The following APC2 variants were observed in gnomAD, a reference collection of about 807,000 sequenced individuals.
APC2 encodes the protein APC regulator of Wnt signaling pathway 2.
In APC2, 41 loss-of-function variants were observed where a neutral mutation model predicts 72.5. The ratio of observed to expected loss-of-function variants is 0.57; its 90% confidence interval spans 0.44 to 0.73. The LOEUF is 0.73. APC2 is among the 30% of genes least tolerant of loss of function. The probability of loss-of-function intolerance (pLI) is 0.00; values close to 1 mark genes in which losing one functional copy is unlikely to be tolerated. For missense variants in APC2, 3,729 were observed against 3,403.4 expected, an observed-to-expected ratio of 1.10 and a Z score of -2.38; for synonymous variants, 1,898 against 1,612.0, an observed-to-expected ratio of 1.18 and a Z score of -4.25.
chr19:1,453,642 A>C lies in APC2; in HGVS notation c.413+31A>C, dbSNP rs1410076955. The stretch of plus-strand genomic sequence containing the variant: ...TGGGCGTGGGAACCCAGCCTCGGGC[A>C]GCTGGAGCATGACTCGGTCCCCAGC... On this transcript the variant is annotated intron_variant, in intron 4 of 14. Coordinates refer to ENST00000590469, the MANE Select transcript of APC2 (RefSeq NM_005883.3). The C allele has an allele frequency of 1.9e-6, 3 of 1,570,032 alleles. No homozygotes were observed. In the African/African-American group the frequency reaches 4.1e-5, roughly 21 times the overall value.
At position 1,461,807 on chromosome 19, in the gene APC2, T is replaced by A. The variant is rs573639753; in HGVS notation, c.1639-156T>A. 1.0e-4 allele frequency: 65 copies of A among 632,184 alleles called. 1 individual carries two copies. Among genetic ancestry groups the A allele is most frequent in the Middle Eastern group, 8.7e-4 (2 of 2,294 alleles). 39.2% of individuals were successfully genotyped at this position (632,184 alleles called of 1,614,324 possible). On this transcript the variant is annotated intron_variant, in intron 13 of 14. Transcript: ENST00000590469. Reference sequence around the variant, plus strand: ...TCGGAGCCTGCAGTGAGTCGAGATCTCGCCACTGCACTCCAGCCTGGGGGA... The same window carrying A: ...TCGGAGCCTGCAGTGAGTCGAGATCACGCCACTGCACTCCAGCCTGGGGGA...
rs138304573 is a variant in APC2, at chr19:1,458,013, T to C, written c.1256T>C (p.Met419Thr). The C allele has an allele frequency of 1.9e-6, 3 of 1,567,816 alleles. No individual in the cohort carries two copies. The highest frequency in any genetic ancestry group is 1.2e-5 in the South Asian group (1 of 85,320). The change falls in exon 10 of 15, where the codon ATG becomes ACG. Residue 419 changes from methionine to threonine, a missense_variant. Coordinates refer to ENST00000590469, the MANE Select transcript of APC2 (RefSeq NM_005883.3). ...ATCTGCCAGGCCACCTGTGCTGTTA[T>C]GAAGCTGTCCTTTGATGAGGAGTAC... Reference protein sequence around the residue: ...PQICQATCAVMKLSFDEEYRR... With the variant: ...PQICQATCAVTKLSFDEEYRR...
In APC2 at chr19:1,457,726, G is replaced by A. The variant is rs2083857696; in HGVS notation, c.1208-239G>A. 3 of 582,812 alleles carry A rather than the reference G, an allele frequency of 5.1e-6. No homozygotes were observed. In the East Asian group the frequency reaches 8.7e-5, roughly 17 times the overall value. 36.1% of individuals were successfully genotyped at this position (582,812 alleles called of 1,614,324 possible). On this transcript the variant is annotated intron_variant, in intron 9 of 14. Transcript: ENST00000590469. The stretch of plus-strand genomic sequence containing the variant: ...AGTTTTATTTTTAAAAAGGGCAGAA[G>A]CACAGCTGAAAGGTGTGGTGCTCCA...
At chr19:1,462,871 T>C (rs2083949836) in intron 14 of APC2, among the ~76,000 whole-genome samples, 1 of 150,630 alleles carries the variant, frequency 6.6e-6, no homozygotes, top group African/African-American at 2.5e-5. Flanking sequence ...CTCAGGAGGC[T>C]GAGACAGGAG....
At chr19:1,449,910 G>A (rs1482047039), upstream of APC2, among the ~76,000 whole-genome samples, 1 of 152,204 alleles carries the variant, frequency 6.6e-6, no homozygotes, top group Admixed American at 6.5e-5. Context: ...CGGGACACAG[G>A]AATCTTGGTC....
At chr19:1,464,679 C>G (rs536775448) in intron 14 of APC2, among the ~76,000 whole-genome samples, 4 of 133,024 alleles carry the variant, frequency 3.0e-5, no homozygotes, top group Non-Finnish European at 6.1e-5. Flanking sequence ...TCTTGCCAGG[C>G]TGGAGTGCAG....
Position 1,470,559 on chromosome 19 carries a change from G to C in APC2, c.*346G>C, listed in dbSNP as rs945496273. 4.4e-6 allele frequency: 1 copy of C among 228,864 alleles called. No homozygotes were observed. The highest frequency in any genetic ancestry group is 9.8e-5 in the East Asian group (1 of 10,222). 14.2% of individuals were successfully genotyped at this position (228,864 alleles called of 1,614,324 possible). ...GGGCGAGGGAGGCGGTAGCCTCCGG[G>C]TCCGGGTCTGGGTCTGGGTCCGCTG... On this transcript the variant is annotated 3_prime_UTR_variant, in exon 15 of 15. Coordinates refer to ENST00000590469, the MANE Select transcript of APC2 (RefSeq NM_005883.3).
At chr19:1,453,658 G>T (rs1028632202) in intron 4 of APC2, 47 bp downstream of exon 4, 2 of 1,551,678 alleles carry the variant, frequency 1.3e-6, no homozygotes, top group African/African-American at 1.4e-5. Flanking sequence ...AGCATGACTC[G>T]GTCCCCAGCG....
At chr19:1,448,699 CT>C (rs1480711086), upstream of APC2, among the ~76,000 whole-genome samples, 6 of 151,210 alleles carry the variant, frequency 4.0e-5, no homozygotes, top group Non-Finnish European at 8.8e-5. Flanking sequence ...AAAAATTAGC[CT>C]GGGCGTGGTG....
intron 10 of APC2, 106 bp from the exon 11 acceptor site, chr19:1,460,075 C>A: frequency 6.9e-7 from 1 of 1,458,740 alleles, no homozygotes; most frequent in Non-Finnish European, 9.3e-7. Flanking sequence ...AACTTGAGGG[C>A]AGGTCTGGGG....
At chr19:1,462,737 G>A (rs570771609) in intron 14 of APC2, among the ~76,000 whole-genome samples, 39 of 150,820 alleles carry the variant, frequency 2.6e-4, no homozygotes, top group Non-Finnish European at 3.5e-4. Flanking sequence ...TTGGGAGGCC[G>A]AGGCGGGCGG....
rs2084014007 is a variant in APC2 at position 1,466,330 on chromosome 19, G to A, written c.3029G>A (p.Arg1010Lys). ...QHVPLLEGAS[R>K]AGAEPLAGPG... ...GTGCCACTGCTTGAGGGTGCCTCAA[G>A]GGCGGGTGCAGAGCCCCTCGCGGGG... is the stretch of plus-strand genomic sequence containing the variant. Residue 1010 changes from arginine (R) to lysine (K), a missense_variant, in exon 15 of 15, where the codon AGG (arginine) becomes AAG (lysine). Coordinates refer to ENST00000590469, the MANE Select transcript of APC2 (RefSeq NM_005883.3). 1 of 1,548,350 alleles carries A rather than the reference G, an allele frequency of 6.5e-7. No individual in the cohort carries two copies. The highest frequency in any genetic ancestry group is 1.2e-5 in the South Asian group (1 of 84,382).
Position 1,465,736 on chromosome 19 carries a change from A to G in APC2, c.2435A>G (p.Gln812Arg). Residue 812 changes from glutamine (Q) to arginine (R), a missense_variant, in exon 15 of 15, where the codon CAG becomes CGG. By Grantham distance (43) the Gln-to-Arg change is conservative. Coordinates refer to ENST00000590469, the MANE Select transcript of APC2 (RefSeq NM_005883.3). ...LSLFLGSPFL[Q>R]GQALARTPPT... is the part of the protein sequence containing the mutation. Reference sequence around the variant, plus strand: ...CTCTTCCTGGGCAGCCCCTTCCTGCAGGGGCAGGCGCTGGCTCGCACCCCG... The same window carrying G: ...CTCTTCCTGGGCAGCCCCTTCCTGCGGGGGCAGGCGCTGGCTCGCACCCCG... 6.5e-7 allele frequency: 1 copy of G among 1,548,640 alleles called. No homozygotes were observed. The highest frequency in any genetic ancestry group is 8.7e-7 in the Non-Finnish European group (1 of 1,149,536).
chr19:1,467,829 T>C lies in APC2; in HGVS notation c.4528T>C (p.Tyr1510His). 1 of 1,521,534 alleles carries C rather than the reference T, an allele frequency of 6.6e-7. No individual in the cohort carries two copies. Among genetic ancestry groups the C allele is most frequent in the Non-Finnish European group, 8.8e-7 (1 of 1,142,076 alleles). 94.3% of individuals were successfully genotyped at this position (1,521,534 alleles called of 1,614,324 possible). Residue 1510 changes from tyrosine to histidine, a missense_variant, in exon 15 of 15, where the codon TAC (tyrosine) becomes CAC (histidine). Tyr to His is a moderately conservative substitution (Grantham distance 83). Transcript: ENST00000590469. ...CACTGAGGAGGCCGTGTACTGCTTCTACGGCAACGACTCGGACGAGGAGCC... is the reference window on the plus strand; with the variant it reads ...CACTGAGGAGGCCGTGTACTGCTTCCACGGCAACGACTCGGACGAGGAGCC... ...TPTEEAVYCF[Y>H]GNDSDEEPPA... is the part of the protein sequence containing the mutation.
chr19:1,456,801 G>A, intron 8 of APC2, 52 bp from the exon 9 acceptor site: 1 of 1,555,306 alleles, frequency 6.4e-7, no homozygotes, highest in Non-Finnish European at 8.6e-7. Flanking sequence ...CGGGTTTCCA[G>A]GTGTGCGGGG....
chr19:1,456,836 C>T lies in APC2; in HGVS notation c.817-17C>T, dbSNP rs1057341654. 10 of 1,589,398 alleles carry T rather than the reference C, an allele frequency of 6.3e-6. No homozygotes were observed. The highest frequency in any genetic ancestry group is 2.3e-5 in the South Asian group (2 of 88,692). On this transcript the variant is annotated splice_polypyrimidine_tract_variant and intron_variant, in intron 8 of 14. Coordinates refer to ENST00000590469, the MANE Select transcript of APC2 (RefSeq NM_005883.3). ...GGGCAGGTGAGGGACCCCACCCTGA[C>T]CCTGCCCTCCCCCCAGGTGGAGGTG...
chr19:1,457,813 A>T, intron 9 of APC2, 152 bp from the exon 10 acceptor site: 1 of 677,616 alleles, frequency 1.5e-6, no homozygotes, highest in Non-Finnish European at 2.6e-6. Context: ...ATCCCATCTT[A>T]GAGAGGCTGG....
intron 9 of APC2, 191 bp from the exon 10 acceptor site, chr19:1,457,774 C>T: frequency 4.8e-6 from 3 of 619,636 alleles, no homozygotes; most frequent in Non-Finnish European, 8.7e-6. Flanking sequence ...CCTCCCTTCC[C>T]AAGGCTGAGT....
Position 1,465,223 on chromosome 19 carries a change from T to C in APC2, c.1922T>C (p.Ile641Thr). ...CATCTGACTTCGCACAGCCTGACCA[T>C]CGTGAGCAACGCGTGCGGCACGCTC... is the stretch of plus-strand genomic sequence containing the variant. ...LQHLTSHSLT[I>T]VSNACGTLWN... is the part of the protein sequence containing the mutation. Residue 641 changes from isoleucine to threonine, a missense_variant, in exon 15 of 15, where the codon ATC (isoleucine) becomes ACC (threonine). By Grantham distance (89) the Ile-to-Thr change is moderately conservative (BLOSUM62 -1). Transcript: ENST00000590469. 2 of 1,610,684 alleles carry C rather than the reference T, an allele frequency of 1.2e-6. No individual in the cohort carries two copies. The highest frequency in any genetic ancestry group is 8.5e-7 in the Non-Finnish European group (1 of 1,179,472).
Sources: gnomAD v4.1 joint callset for allele counts (sites outside exome capture counted in the v4.1 genomes callset) on GRCh38, gnomAD v4.1.1 for gene constraint, MANE v1.5 for transcripts, NCBI Gene and HGNC (gene_info 2026-07-23, HGNC 2026-07-21) for gene names.